The following COPS8 variants were observed in gnomAD, a reference collection of about 807,000 sequenced individuals.
The protein encoded by COPS8 is COP9 signalosome subunit 8, also known as COP9 signalosome complex subunit 8.
In COPS8, 11 loss-of-function variants were observed where a neutral mutation model predicts 31.5. The ratio of observed to expected loss-of-function variants is 0.35; its 90% confidence interval spans 0.22 to 0.58. The LOEUF (loss-of-function observed/expected upper bound fraction) is 0.58. COPS8 is among the 20% of genes least tolerant of loss of function. The pLI is 0.83. For missense variants in COPS8, 215 were observed against 255.1 expected, an observed-to-expected ratio of 0.84 and a Z score of 1.07; for synonymous variants, 81 against 89.3, an observed-to-expected ratio of 0.91 and a Z score of 0.52.
At chr2:237,088,951 C>T (rs1696663193) in intron 3 of COPS8, among the ~76,000 whole-genome samples, 1 of 152,138 alleles carries the variant, frequency 6.6e-6, no homozygotes, top group South Asian at 2.1e-4. Context: ...GTGGCGGAGG[C>T]AGCTGAGGTG....
intron 1 of COPS8, chr2:237,086,686 A>C: frequency 2.0e-6 from 1 of 492,752 alleles, no homozygotes; most frequent in South Asian, 8.6e-5. Context: ...AATGGAAAGA[A>C]TTGTCTTTGC....
rs1696841314 is a variant in COPS8 at position 237,098,374 on chromosome 2, T to TAA, written c.*633_*634insAA. The TAA allele has an allele frequency of 1.3e-5, 2 of 152,376 alleles. No homozygotes were observed. Among genetic ancestry groups the TAA allele is most frequent in the Admixed American group, 1.3e-4 (2 of 15,310 alleles). The allele number at this position is 152,376 out of a possible 1,614,324, so 9.4% of individuals were successfully genotyped here. ...GAGGGCTTGCCATGAAAATGCAACT[T>TAA]ATTTAAGACATTTATGAGACATATT... On this transcript the variant is annotated 3_prime_UTR_variant, in exon 8 of 8. Coordinates refer to ENST00000354371, the MANE Select transcript of COPS8 (RefSeq NM_006710.5).
intron 6 of COPS8, 124 bp from the exon 7 acceptor site, chr2:237,096,695 AGTT>A: frequency 1.4e-6 from 1 of 727,736 alleles, no homozygotes; most frequent in South Asian, 1.5e-5. Flanking sequence ...AATGGAGCAC[AGTT>A]GTTATCCCTG....
chr2:237,095,982 G>A, intron 6 of COPS8, 98 bp downstream of exon 6: 1 of 820,950 alleles, frequency 1.2e-6, no homozygotes, highest in Non-Finnish European at 2.1e-6. Context: ...GTAAAATTCG[G>A]CTATACTAAC....
At chr2:237,091,893 C>T (rs181740923) in intron 4 of COPS8, among the ~76,000 whole-genome samples, 3 of 152,316 alleles carry the variant, frequency 2.0e-5, no homozygotes, top group East Asian at 1.9e-4. Flanking sequence ...TCCTTCCCAG[C>T]CTCTGACCTG....
chr2:237,088,794 A>C, intron 3 of COPS8, 141 bp downstream of exon 3: 1 of 519,758 alleles, frequency 1.9e-6, no homozygotes, highest in South Asian at 3.4e-5. Flanking sequence ...ATAAATCTTC[A>C]GAGTCCTCTA....
chr2:237,092,273 C>T (rs760521720), intron 4 of COPS8, among the ~76,000 whole-genome samples: 2 of 152,178 alleles, frequency 1.3e-5, no homozygotes, highest in African/African-American at 2.4e-5. Context: ...AGATGTGATT[C>T]GTGCCAAGTG....
intron 3 of COPS8, 28 bp from the exon 4 acceptor site, chr2:237,089,834 C>A (rs753863803): frequency 3.1e-6 from 5 of 1,607,672 alleles, no homozygotes; most frequent in Admixed American, 1.7e-5. Flanking sequence ...AGAGTGAATA[C>A]CCTCTAAGGC....
chr2:237,089,772 T>TTC, intron 3 of COPS8, 90 bp from the exon 4 acceptor site: 1 of 1,299,090 alleles, frequency 7.7e-7, no homozygotes, highest in African/African-American at 1.5e-5. Context: ...CTAACAAGTT[T>TTC]TTATATCATT....
In COPS8 at chr2:237,097,710, C is replaced by A. The variant is rs1333303626; in HGVS notation, c.598C>A (p.Leu200Met). Residue 200 changes from leucine (L) to methionine (M), a missense_variant, in exon 8 of 8, where the codon CTG (leucine) becomes ATG (methionine). By Grantham distance (15) the Leu-to-Met change is conservative (BLOSUM62 2). Transcript: ENST00000354371. The part of the protein sequence containing the change: ...PIPNEQQLAR[L>M]TDYVAFLEN ...ACCCAATGAACAGCAGTTAGCCAGACTGACGGATTATGTGGCTTTCCTTGA... is the reference window on the plus strand; with the variant it reads ...ACCCAATGAACAGCAGTTAGCCAGAATGACGGATTATGTGGCTTTCCTTGA... 6.2e-7 allele frequency: 1 copy of A among 1,612,942 alleles called. No individual in the cohort carries two copies. The highest frequency in any genetic ancestry group is 8.5e-7 in the Non-Finnish European group (1 of 1,179,468).
In COPS8 at chr2:237,098,113, T is replaced by C. The variant is rs367577584; in HGVS notation, c.*371T>C. On this transcript the variant is annotated 3_prime_UTR_variant, in exon 8 of 8. Coordinates refer to ENST00000354371, the MANE Select transcript of COPS8 (RefSeq NM_006710.5). ...TATATGTACCATTGGTTGATAATTA[T>C]AATGATTCATTTGGACTTGAAGAAA... The C allele has an allele frequency of 1.4e-4, 22 of 162,946 alleles. No individual in the cohort carries two copies. The East Asian group carries it at 2.9e-3, about 21-fold the overall frequency. 10.1% of individuals were successfully genotyped at this position (162,946 alleles called of 1,614,324 possible). A position where few individuals can be genotyped will look rare whatever the true frequency, so the allele number is the denominator to read the frequency against.
intron 4 of COPS8, among the ~76,000 whole-genome samples, chr2:237,093,162 C>T (rs1287319874): frequency 1.3e-5 from 2 of 152,076 alleles, no homozygotes; most frequent in African/African-American, 2.4e-5. Context: ...AACCAAAAGC[C>T]CCAGGGGGAG....
chr2:237,089,421 TAGAG>T (rs980590713), intron 3 of COPS8, among the ~76,000 whole-genome samples: 13 of 152,334 alleles, frequency 8.5e-5, no homozygotes, highest in African/African-American at 1.9e-4. Context: ...ACTCAATCCT[TAGAG>T]AGGCTACAAT....
intron 4 of COPS8, chr2:237,093,660 C>A (rs1475954227): frequency 6.1e-6 from 6 of 982,876 alleles, no homozygotes; most frequent in Non-Finnish European, 7.2e-6. Flanking sequence ...CTGTAACTCC[C>A]AGGTGTGGTC....
Position 237,097,745 on chromosome 2 carries a change from T to C in COPS8, c.*3T>C. 6.2e-7 allele frequency: 1 copy of C among 1,602,370 alleles called. No individual in the cohort carries two copies. The highest frequency in any genetic ancestry group is 8.5e-7 in the Non-Finnish European group (1 of 1,171,060). On this transcript the variant is annotated 3_prime_UTR_variant, in exon 8 of 8. Transcript: ENST00000354371. The stretch of plus-strand genomic sequence containing the variant: ...ATGTGGCTTTCCTTGAAAACTGATT[T>C]ATCACTCTGAGTTCAAGATTCATCT...
intron 7 of COPS8, 37 bp from the exon 8 acceptor site, chr2:237,097,626 A>G (rs775400197): frequency 6.9e-7 from 1 of 1,456,954 alleles, no homozygotes; most frequent in South Asian, 1.1e-5. Context: ...TTACTGTGGT[A>G]TGTAACATGA....
intron 6 of COPS8, among the ~76,000 whole-genome samples, chr2:237,096,467 G>C (rs547793858): frequency 2.6e-5 from 4 of 152,224 alleles, no homozygotes; most frequent in African/African-American, 9.6e-5. Context: ...TTTCTGCCAG[G>C]TCTTTAGAGC....
chr2:237,089,797 T>C, intron 3 of COPS8, 65 bp from the exon 4 acceptor site: 1 of 1,487,394 alleles, frequency 6.7e-7, no homozygotes, highest in Non-Finnish European at 9.2e-7. Flanking sequence ...GTATTTTGTT[T>C]TAAGATACAA....
intron 3 of COPS8, among the ~76,000 whole-genome samples, chr2:237,089,600 C>T (rs1696672881): frequency 6.6e-6 from 1 of 152,188 alleles, no homozygotes; most frequent in Non-Finnish European, 1.5e-5. Context: ...TTTTTGACTA[C>T]TTTCTCATGC....
Sources: allele counts gnomAD v4.1 joint callset (sites outside exome capture counted in the v4.1 genomes callset), GRCh38; gene constraint gnomAD v4.1.1; transcripts MANE v1.5; gene names NCBI Gene and HGNC (gene_info 2026-07-23, HGNC 2026-07-21).